Variants in KANK1 observed in about 807,000 individuals in gnomAD.
KANK1 encodes the protein KN motif and ankyrin repeat domains 1.
In KANK1, 109 loss-of-function variants were observed where a neutral mutation model predicts 106.2. The ratio of observed to expected loss-of-function variants is 1.03; its 90% CI spans 0.88 to 1.20. The LOEUF is 1.20. Among genes scored for constraint, KANK1 ranks in the 50% most tolerant of loss-of-function variants. KANK1 has a pLI of 0.00. For missense variants in KANK1, 2,399 were observed against 1,710.7 expected (o/e 1.40, Z -7.10); for synonymous variants, 873 against 652.2 (o/e 1.34, Z -5.16).
At chr9:737,049 G>A (rs145096984) in intron 7 of KANK1, among the ~76,000 whole-genome samples, 1 of 152,336 alleles carries the variant, frequency 6.6e-6, no homozygotes, top group East Asian at 1.9e-4. Context: ...TGGTGTGAAA[G>A]TGTTTAAAGT....
At chr9:709,906 G>A (rs1163311857) in intron 2 of KANK1, among the ~76,000 whole-genome samples, 3 of 152,070 alleles carry the variant, frequency 2.0e-5, no homozygotes, top group African/African-American at 4.8e-5. Context: ...AGTGAGCACC[G>A]TGCCCAGCCT....
At chr9:721,527 A>G (rs1339851676) in intron 3 of KANK1, among the ~76,000 whole-genome samples, 2 of 152,348 alleles carry the variant, frequency 1.3e-5, no homozygotes, top group African/African-American at 4.8e-5. Context: ...TGGTCCCACT[A>G]TGATTGGTCT....
At chr9:594,390 CT>C (rs1362053968) in intron 1 of KANK1, among the ~76,000 whole-genome samples, 2 of 151,808 alleles carry the variant, frequency 1.3e-5, no homozygotes, top group Non-Finnish European at 2.9e-5. Context: ...TCAAAACTTT[CT>C]TCATTTTCTG....
chr9:732,704 TTAAA>T, intron 6 of KANK1, 87 bp downstream of exon 6: 1 of 1,458,390 alleles, frequency 6.9e-7, no homozygotes, highest in Non-Finnish European at 9.4e-7. Flanking sequence ...GCTTTTGTAA[TTAAA>T]TGTTTGCTTT....
At chr9:568,377 C>G (rs1273203945) in intron 1 of KANK1, among the ~76,000 whole-genome samples, 1 of 152,108 alleles carries the variant, frequency 6.6e-6, no homozygotes, top group Non-Finnish European at 1.5e-5. Context: ...CATAATTTAA[C>G]AAATTATTAA....
At chr9:647,163 A>G (rs1839856258) in intron 1 of KANK1, among the ~76,000 whole-genome samples, 2 of 151,210 alleles carry the variant, frequency 1.3e-5, no homozygotes, top group South Asian at 4.1e-4. Context: ...TAAATTTGCC[A>G]TGGATTTAAG....
intron 3 of KANK1, among the ~76,000 whole-genome samples, chr9:480,076 A>G (rs1387713647): frequency 6.6e-6 from 1 of 152,234 alleles, no homozygotes; most frequent in African/African-American, 2.4e-5. Flanking sequence ...AAACAGAAAC[A>G]CAAAAAACAC....
At chr9:710,701 C>A in intron 2 of KANK1, 103 bp from the exon 3 acceptor site, 1 of 1,060,524 alleles carries the variant, frequency 9.4e-7, no homozygotes, top group Non-Finnish European at 1.3e-6. Context: ...TGTGTCAACT[C>A]TTAAAATCAT....
intron 1 of KANK1, among the ~76,000 whole-genome samples, chr9:662,787 G>A (rs528361234): frequency 1.4e-4 from 21 of 151,366 alleles, no homozygotes; most frequent in African/African-American, 3.6e-4. Flanking sequence ...TCAGTCTCCC[G>A]AGTAGCTGGG....
intron 1 of KANK1, among the ~76,000 whole-genome samples, chr9:557,365 G>A (rs1490145547): frequency 6.6e-6 from 1 of 152,094 alleles, no homozygotes; most frequent in Non-Finnish European, 1.5e-5. Flanking sequence ...GCTTAGTGAT[G>A]GGTGCATTGT....
At chr9:522,549 G>A (rs1315682638) in intron 1 of KANK1, among the ~76,000 whole-genome samples, 3 of 151,746 alleles carry the variant, frequency 2.0e-5, no homozygotes, top group Non-Finnish European at 4.4e-5. Flanking sequence ...TTTTGCTCAT[G>A]AGGAAGGGGG....
rs187855275 is a variant in KANK1 at position 490,988 on chromosome 9, C to G, written c.-362+17715C>G. Among the ~76,000 whole-genome samples the G allele has an allele frequency of 4.8e-3, 568 of 118,568 alleles. 1 individual carries two copies. The highest frequency in any genetic ancestry group is 0.019 in the African/African-American group (533 of 28,216). The allele number at this position is 118,568 out of a possible 152,430, so 77.8% of individuals were successfully genotyped here. A position where few individuals can be genotyped will look rare whatever the true frequency, so the allele number is the denominator to read the frequency against. ...TTTTTTTTTTTTTTTGAGACAGGGT[C>G]TCATTCTGTTGCCTAGGCTGGCGTG... On this transcript the variant is annotated intron_variant, in intron 3 of 15. Coordinates refer to the KANK1 transcript ENST00000382303.
intron 1 of KANK1, among the ~76,000 whole-genome samples, chr9:545,120 C>T (rs1030047388): frequency 2.0e-5 from 3 of 151,622 alleles, no homozygotes; most frequent in Non-Finnish European, 2.9e-5. Flanking sequence ...AGCCCAGTGC[C>T]CAGACTTCTG....
chr9:582,071 G>T (rs1563807110), intron 1 of KANK1, among the ~76,000 whole-genome samples: 1 of 152,170 alleles, frequency 6.6e-6, no homozygotes, highest in African/African-American at 2.4e-5. Flanking sequence ...CCCTGCCCCA[G>T]AGTTGGTAAC....
chr9:475,496 A>G (rs2058086972), intron 3 of KANK1, among the ~76,000 whole-genome samples: 1 of 152,164 alleles, frequency 6.6e-6, no homozygotes, highest in South Asian at 2.1e-4. Context: ...GCTTTTTAAT[A>G]AATTTTCACT....
chr9:726,439 G>A (rs1830653609), intron 3 of KANK1, among the ~76,000 whole-genome samples: 2 of 152,180 alleles, frequency 1.3e-5, no homozygotes, highest in African/African-American at 4.8e-5. Flanking sequence ...AGGAGTTCGA[G>A]TCCAACCTGG....
rs116799296 is a variant in KANK1, at chr9:708,465, C to G, written c.38-2339C>G. On this transcript the variant is annotated intron_variant, in intron 2 of 11. Transcript: ENST00000382297. The stretch of plus-strand genomic sequence containing the variant: ...TGACTGCTGCTGGGCACTTCTTTCA[C>G]ATAGAATTCACTTCCCACACGTGTT... Among the ~76,000 whole-genome samples, 274 of 152,362 alleles carry G rather than the reference C, an allele frequency of 1.8e-3. 1 individual carries two copies. Among genetic ancestry groups the G allele is most frequent in the African/African-American group, 6.3e-3 (262 of 41,582 alleles).
At chr9:481,844 TAAA>T (rs111626768) in intron 3 of KANK1, among the ~76,000 whole-genome samples, 2 of 140,776 alleles carry the variant, frequency 1.4e-5, no homozygotes, top group Non-Finnish European at 3.1e-5. Flanking sequence ...ACCCTGTCTC[TAAA>T]AAAAAAAAAT....
intron 1 of KANK1, among the ~76,000 whole-genome samples, chr9:567,084 A>G (rs1356724952): frequency 6.6e-6 from 1 of 152,180 alleles, no homozygotes; most frequent in Non-Finnish European, 1.5e-5. Flanking sequence ...TCACAGCACC[A>G]TTTATTCAAC....
Sources: allele counts gnomAD v4.1 joint callset (sites outside exome capture counted in the v4.1 genomes callset), GRCh38; gene constraint gnomAD v4.1.1; transcripts MANE v1.5; gene names NCBI Gene and HGNC (gene_info 2026-07-23, HGNC 2026-07-21).